The following ARHGAP19 variants were observed in gnomAD, a reference collection of about 807,000 sequenced individuals.
ARHGAP19 encodes the protein Rho GTPase activating protein 19, also known as rho GTPase-activating protein 19.
In ARHGAP19, 48 loss-of-function variants were observed where a neutral mutation model predicts 60.9. The observed-to-expected ratio is 0.79, with a 90% CI of 0.62 to 1.00. The LOEUF is 1.00. Among genes scored for constraint, ARHGAP19 ranks in the 50% least tolerant of loss-of-function variants. The pLI is 0.00. For missense variants in ARHGAP19, 562 were observed against 597.2 expected (o/e 0.94, Z 0.61); for synonymous variants, 209 against 215.5 (o/e 0.97, Z 0.27).
At chr10:97,231,996 T>A (rs1202608800) in intron 9 of ARHGAP19, among the ~76,000 whole-genome samples, 1 of 150,200 alleles carries the variant, frequency 6.7e-6, no homozygotes, top group Non-Finnish European at 1.5e-5. Context: ...TTTTTTTTTT[T>A]TTAATAATAG....
At chr10:97,239,279 G>T (rs1842430199) in intron 8 of ARHGAP19, among the ~76,000 whole-genome samples, 1 of 152,122 alleles carries the variant, frequency 6.6e-6, no homozygotes. Context: ...GGGATCACAA[G>T]GTCAGGAGAA....
intron 6 of ARHGAP19, among the ~76,000 whole-genome samples, chr10:97,251,287 A>AG (rs1842649807): frequency 1.1e-4 from 1 of 9,412 alleles, no homozygotes; most frequent in Non-Finnish European, 2.1e-4. Flanking sequence ...GAAGGGAAAA[A>AG]GGAAGGGAAG....
Position 97,222,607 on chromosome 10 carries a change from AG to A in ARHGAP19, c.*3514del, listed in dbSNP as rs1478275947. 6.6e-6 allele frequency: 1 copy of A among 152,250 alleles called. No individual in the cohort carries two copies. Among genetic ancestry groups the A allele is most frequent in the Non-Finnish European group, 1.5e-5 (1 of 68,030 alleles). 9.4% of individuals were successfully genotyped at this position (152,250 alleles called of 1,614,324 possible). A position where few individuals can be genotyped will look rare whatever the true frequency, so the allele number is the denominator to read the frequency against. The stretch of plus-strand genomic sequence containing the variant: ...CTGTCTGGGGAAGCTAACTTCCTAC[AG>A]TGGGTTTTAGTTGAGTTAATCACCA... On this transcript the variant is annotated 3_prime_UTR_variant, in exon 12 of 12. Coordinates refer to ENST00000358531, the MANE Select transcript of ARHGAP19 (RefSeq NM_032900.6).
At chr10:97,245,528 G>A (rs1454240422) in intron 7 of ARHGAP19, among the ~76,000 whole-genome samples, 2 of 149,402 alleles carry the variant, frequency 1.3e-5, no homozygotes, top group Non-Finnish European at 3.0e-5. Flanking sequence ...AGGCTGAGGT[G>A]AGAGAACCAG....
At chr10:97,229,663 T>C in intron 10 of ARHGAP19, 101 bp downstream of exon 10, 1 of 869,978 alleles carries the variant, frequency 1.1e-6, no homozygotes, top group Non-Finnish European at 1.8e-6. Flanking sequence ...GCCATTTGAA[T>C]GGCCCAAAGA....
chr10:97,244,414 G>T (rs793529), intron 7 of ARHGAP19, among the ~76,000 whole-genome samples: 1 of 152,018 alleles, frequency 6.6e-6, no homozygotes, highest in East Asian at 1.9e-4. Context: ...TTATATTTGT[G>T]TAAGAGTTTA....
intron 8 of ARHGAP19, among the ~76,000 whole-genome samples, chr10:97,236,316 C>G (rs532138109): frequency 5.9e-5 from 9 of 152,112 alleles, no homozygotes; most frequent in Non-Finnish European, 1.2e-4. Flanking sequence ...AATTTCGGAA[C>G]TGTAAAAATT....
intron 5 of ARHGAP19, among the ~76,000 whole-genome samples, chr10:97,257,805 A>G (rs1406443284): frequency 1.8e-5 from 2 of 108,768 alleles, no homozygotes; most frequent in Non-Finnish European, 4.5e-5. Context: ...GTTTCACACA[A>G]TCTCTCTCCT....
At chr10:97,246,774 G>A (rs1842569495) in intron 6 of ARHGAP19, among the ~76,000 whole-genome samples, 2 of 152,124 alleles carry the variant, frequency 1.3e-5, no homozygotes, top group Non-Finnish European at 2.9e-5. Context: ...GCAGAAGCAG[G>A]AGGATGGCTT....
intron 6 of ARHGAP19, among the ~76,000 whole-genome samples, chr10:97,249,765 A>C (rs11189064): frequency 0.043 from 6,406 of 150,286 alleles, 203 homozygotes; most frequent in Non-Finnish European, 0.061. Context: ...AATTCTTTTT[A>C]GTTTCTTAGA....
chr10:97,235,189 G>A (rs201168510), intron 9 of ARHGAP19, 28 bp downstream of exon 9: 2 of 1,546,644 alleles, frequency 1.3e-6, no homozygotes, highest in Non-Finnish European at 1.8e-6. Flanking sequence ...AAAAATCAAT[G>A]CTGAAAACGA....
chr10:97,250,123 G>A (rs775003768), intron 6 of ARHGAP19, among the ~76,000 whole-genome samples: 1 of 152,064 alleles, frequency 6.6e-6, no homozygotes, highest in Non-Finnish European at 1.5e-5. Context: ...ATTATTGGGA[G>A]ATGCATACAT....
intron 1 of ARHGAP19, among the ~76,000 whole-genome samples, chr10:97,292,333 C>T (rs1045283827): frequency 2.0e-5 from 3 of 152,260 alleles, no homozygotes; most frequent in African/African-American, 4.8e-5. Context: ...TGGACGTCTG[C>T]AGCCAGCGCA....
At chr10:97,258,411 G>A (rs894820043) in intron 5 of ARHGAP19, among the ~76,000 whole-genome samples, 1 of 152,104 alleles carries the variant, frequency 6.6e-6, no homozygotes, top group African/African-American at 2.4e-5. Context: ...GCTCACGCCT[G>A]TAGTCCCAGC....
intron 6 of ARHGAP19, among the ~76,000 whole-genome samples, chr10:97,254,085 C>A (rs1797195457): frequency 6.6e-6 from 1 of 152,144 alleles, no homozygotes; most frequent in Non-Finnish European, 1.5e-5. Flanking sequence ...GTCAATACTA[C>A]TCGAGGCAAT....
intron 5 of ARHGAP19, 85 bp from the exon 6 acceptor site, chr10:97,256,489 G>T: frequency 9.9e-7 from 1 of 1,009,810 alleles, no homozygotes; most frequent in African/African-American, 1.6e-5. Flanking sequence ...TCAAATGTAT[G>T]AAGTTTCTAT....
At position 97,240,263 on chromosome 10, in the gene ARHGAP19, T is replaced by C. The variant is rs78986813; in HGVS notation, c.1185+3705A>G. 9.7e-3 allele frequency among the ~76,000 whole-genome samples: 422 copies of C among 43,344 alleles called. 2 individuals are homozygous for C. The highest frequency in any genetic ancestry group is 0.043 in the Middle Eastern group (2 of 46). The allele number at this position is 43,344 out of a possible 152,430, so 28.4% of individuals were successfully genotyped here. A position where few individuals can be genotyped will look rare whatever the true frequency, so the allele number is the denominator to read the frequency against. ...AAATAATCTACAATGAAAATACTTATGAACAAAAATTTATAAACTAAAAAC... is the reference window on the plus strand; with the variant it reads ...AAATAATCTACAATGAAAATACTTACGAACAAAAATTTATAAACTAAAAAC... On this transcript the variant is annotated intron_variant, in intron 8 of 11. Coordinates refer to ENST00000358531, the MANE Select transcript of ARHGAP19 (RefSeq NM_032900.6).
intron 6 of ARHGAP19, among the ~76,000 whole-genome samples, chr10:97,251,342 GGGGGA>G (rs1842652809): frequency 2.2e-5 from 1 of 45,580 alleles, no homozygotes; most frequent in Non-Finnish European, 4.3e-5. Context: ...GGGAAAGGAA[GGGGGA>G]GGGAAAGGAA....
intron 3 of ARHGAP19, 130 bp from the exon 4 acceptor site, chr10:97,263,759 T>G: frequency 1.2e-6 from 1 of 861,236 alleles, no homozygotes; most frequent in Non-Finnish European, 1.8e-6. Context: ...AGTTTTTGCC[T>G]TTTTTCACCA....
Sources: allele counts gnomAD v4.1 joint callset (sites outside exome capture counted in the v4.1 genomes callset), GRCh38; gene constraint gnomAD v4.1.1; transcripts MANE v1.5; gene names NCBI Gene and HGNC (gene_info 2026-07-23, HGNC 2026-07-21).